ASTL: variants seen among roughly 807,000 people sequenced by gnomAD.
ASTL encodes the protein astacin-like metalloendopeptidase.
In ASTL, 27 loss-of-function variants were observed where a neutral mutation model predicts 36.7. The observed-to-expected ratio is 0.73, with a 90% CI of 0.54 to 1.01. The LOEUF (loss-of-function observed/expected upper bound fraction) is 1.01. Ranked by LOEUF, ASTL falls within the 50% of genes least tolerant of loss-of-function variation. The probability of loss-of-function intolerance (pLI) is 0.00; values close to 1 mark genes in which losing one functional copy is unlikely to be tolerated. For missense variants in ASTL, 524 were observed against 572.8 expected (o/e 0.91, Z 0.87); for synonymous variants, 222 against 228.1 (o/e 0.97, Z 0.24).
intron 8 of ASTL, 127 bp downstream of exon 8, chr2:96,129,697 G>C: frequency 1.2e-6 from 1 of 856,778 alleles, no homozygotes; most frequent in Non-Finnish European, 1.7e-6. Context: ...GCGTCGTTGT[G>C]GCAAGCCCCC....
chr2:96,125,826 T>C (rs1033186859), intron 8 of ASTL, among the ~76,000 whole-genome samples: 1 of 152,020 alleles, frequency 6.6e-6, no homozygotes, highest in Admixed American at 6.6e-5. Context: ...CCTCTAATCC[T>C]AGCTACTCGG....
At chr2:96,135,059 C>T (rs1294753096) in intron 3 of ASTL, among the ~76,000 whole-genome samples, 1 of 152,232 alleles carries the variant, frequency 6.6e-6, no homozygotes, top group East Asian at 1.9e-4. Context: ...GAGTGCTGAG[C>T]ACCTCCCCTG....
chr2:96,138,128 C>A (rs1352333881), intron 1 of ASTL, among the ~76,000 whole-genome samples: 2 of 152,156 alleles, frequency 1.3e-5, no homozygotes, highest in African/African-American at 2.4e-5. Context: ...TTACAGCCTA[C>A]CCCCACCCCA....
At chr2:96,134,120 G>A (rs1201309795) in intron 3 of ASTL, 62 bp from the exon 4 acceptor site, 2 of 1,144,014 alleles carry the variant, frequency 1.7e-6, no homozygotes, top group South Asian at 1.3e-5. Flanking sequence ...TGTGCCCCAA[G>A]GGTACCACAC....
chr2:96,136,905 C>T (rs866926536), intron 2 of ASTL, among the ~76,000 whole-genome samples: 2 of 152,238 alleles, frequency 1.3e-5, no homozygotes, highest in Middle Eastern at 3.4e-3. Flanking sequence ...AGTGCAGTGG[C>T]GCAATCTCAG....
Position 96,123,786 on chromosome 2 carries a change from G to T in ASTL, c.*64C>A. 1.4e-6 allele frequency: 2 copies of T among 1,422,580 alleles called. No individual in the cohort carries two copies. The highest frequency in any genetic ancestry group is 1.9e-6 in the Non-Finnish European group (2 of 1,028,644). 88.1% of individuals were successfully genotyped at this position (1,422,580 alleles called of 1,614,324 possible). ...GTGGTGTGGCCCAAAGGAGCCAAGA[G>T]GTAGACGACCCAGCTCCACTGGGCA... On this transcript the variant is annotated 3_prime_UTR_variant, in exon 9 of 9. Coordinates refer to ENST00000342380, the MANE Select transcript of ASTL (RefSeq NM_001002036.4).
chr2:96,126,628 C>A (rs530058557), intron 8 of ASTL, among the ~76,000 whole-genome samples: 1 of 152,096 alleles, frequency 6.6e-6, no homozygotes, highest in Non-Finnish European at 1.5e-5. Flanking sequence ...GAGGCCGAGA[C>A]GGGTAGATCA....
At position 96,123,778 on chromosome 2, in the gene ASTL, A is replaced by G. The variant is rs1015483524; in HGVS notation, c.*72T>C. 1.5e-6 allele frequency: 2 copies of G among 1,300,450 alleles called. No individual in the cohort carries two copies. Among genetic ancestry groups the G allele is most frequent in the Non-Finnish European group, 2.2e-6 (2 of 921,084 alleles). 80.6% of individuals were successfully genotyped at this position (1,300,450 alleles called of 1,614,324 possible). A position where few individuals can be genotyped will look rare whatever the true frequency, so the allele number is the denominator to read the frequency against. On this transcript the variant is annotated 3_prime_UTR_variant, in exon 9 of 9. Coordinates refer to ENST00000342380, the MANE Select transcript of ASTL (RefSeq NM_001002036.4). ...GGAAGACAGTGGTGTGGCCCAAAGG[A>G]GCCAAGAGGTAGACGACCCAGCTCC...
chr2:96,135,387 C>G lies in ASTL; in HGVS notation c.207G>C (p.Glu69Asp). ...TGTCCCCCTCGATGAGGAAGCTGCTCTCTGGGGTTTCTTCCAGGATGAGCC... is the reference window on the plus strand; with the variant it reads ...TGTCCCCCTCGATGAGGAAGCTGCTGTCTGGGGTTTCTTCCAGGATGAGCC... The part of the protein sequence containing the change: ...NQGLILEETP[E>D]SSFLIEGDII... Residue 69 changes from glutamate to aspartate, a missense_variant, in exon 3 of 9, where the codon GAG becomes GAC. By Grantham distance (45) the Glu-to-Asp change is conservative (BLOSUM62 2). Coordinates refer to ENST00000342380, the MANE Select transcript of ASTL (RefSeq NM_001002036.4). The G allele has an allele frequency of 1.9e-6, 3 of 1,614,178 alleles. No homozygotes were observed. The highest frequency in any genetic ancestry group is 1.7e-6 in the Non-Finnish European group (2 of 1,180,026).
rs997250772 is a variant in ASTL at position 96,135,364 on chromosome 2, T to TC, written c.229dup (p.Asp77GlyfsTer23). ...GTGTGCACTCACCGGCCGGATGATG[T>TC]CCCCCTCGATGAGGAAGCTGCTCTC... On this transcript the variant is annotated frameshift_variant, in exon 3 of 9. Transcript: ENST00000342380. LOFTEE classifies it high-confidence loss of function. 16 of 1,613,774 alleles carry TC rather than the reference T, an allele frequency of 9.9e-6. No individual in the cohort carries two copies. The highest frequency in any genetic ancestry group is 1.4e-5 in the Non-Finnish European group (16 of 1,179,856).
At chr2:96,130,176 A>T in intron 6 of ASTL, 31 bp from the exon 7 acceptor site, 1 of 1,564,294 alleles carries the variant, frequency 6.4e-7, no homozygotes, top group East Asian at 2.2e-5. Flanking sequence ...CAACTTACTG[A>T]TATATAAAGA....
intron 2 of ASTL, among the ~76,000 whole-genome samples, chr2:96,137,058 T>C (rs1483471715): frequency 6.6e-6 from 1 of 152,116 alleles, no homozygotes; most frequent in Admixed American, 6.5e-5. Flanking sequence ...TTAGCCAGGA[T>C]GGTCTCGATC....
intron 8 of ASTL, among the ~76,000 whole-genome samples, chr2:96,127,077 T>C (rs1048391236): frequency 6.6e-6 from 1 of 152,266 alleles, no homozygotes; most frequent in Non-Finnish European, 1.5e-5. Flanking sequence ...TATTCAGCGA[T>C]GTTATTGATA....
Position 96,124,195 on chromosome 2 carries a change from CG to C in ASTL, c.950del (p.Ser317TrpfsTer35). On this transcript the variant is annotated frameshift_variant, in exon 9 of 9. Coordinates refer to ENST00000342380, the MANE Select transcript of ASTL (RefSeq NM_001002036.4). LOFTEE classifies it low-confidence loss of function (END_TRUNC). This position sits in a 1 kb window ranked among gnomAD's most constrained non-coding sequence, Gnocchi z 4.1. ...LSLQRLLEAL[S>X]AESRSPDPSG... The stretch of plus-strand genomic sequence containing the variant: ...TGGGGTCGGGGCTCCTGGATTCCGC[CG>C]ACAGTGCCTCCAAAAGCCGCTGCAG... 6.6e-7 allele frequency: 1 copy of C among 1,526,434 alleles called. No homozygotes were observed. Among genetic ancestry groups the C allele is most frequent in the Non-Finnish European group, 8.8e-7 (1 of 1,139,064 alleles). The allele number at this position is 1,526,434 out of a possible 1,614,324, so 94.6% of individuals were successfully genotyped here.
intron 6 of ASTL, among the ~76,000 whole-genome samples, 172 bp from the exon 7 acceptor site, chr2:96,130,317 G>A (rs533328564): frequency 2.0e-4 from 31 of 152,128 alleles, no homozygotes; most frequent in Non-Finnish European, 4.3e-4. Flanking sequence ...AGCCCTGGGA[G>A]GATCCCCAAC....
chr2:96,132,514 C>A lies in ASTL; in HGVS notation c.637+26G>T. ...CGTGCTGTCCCCTCCCCGGCACCAG[C>A]CTGTCCTGCGTGTGGCCTGGCTCAC... is the stretch of plus-strand genomic sequence containing the variant. On this transcript the variant is annotated intron_variant, in intron 6 of 8. Coordinates refer to ENST00000342380, the MANE Select transcript of ASTL (RefSeq NM_001002036.4). This position sits in a 1 kb window ranked among gnomAD's most constrained non-coding sequence, Gnocchi z 5.4. 4 of 1,569,184 alleles carry A rather than the reference C, an allele frequency of 2.5e-6. No homozygotes were observed. The highest frequency in any genetic ancestry group is 2.6e-6 in the Non-Finnish European group (3 of 1,149,332).
chr2:96,127,431 T>C (rs1337586373), intron 8 of ASTL, among the ~76,000 whole-genome samples: 3 of 152,260 alleles, frequency 2.0e-5, no homozygotes, highest in Non-Finnish European at 2.9e-5. Context: ...TTTGGTATTA[T>C]TGGGCTTTAA....
chr2:96,133,623 A>AT, intron 4 of ASTL, 81 bp from the exon 5 acceptor site: 1 of 1,027,614 alleles, frequency 9.7e-7, no homozygotes, highest in South Asian at 1.3e-5. Context: ...CAGAGCTCTG[A>AT]ACTCACTCTC....
intron 8 of ASTL, among the ~76,000 whole-genome samples, chr2:96,126,054 A>C (rs557116289): frequency 1.3e-5 from 2 of 152,290 alleles, no homozygotes; most frequent in East Asian, 3.9e-4. Flanking sequence ...TAGGTCATAT[A>C]CCTAAATGTA....
Sources: allele counts gnomAD v4.1 joint callset (sites outside exome capture counted in the v4.1 genomes callset), GRCh38; gene constraint gnomAD v4.1.1; non-coding constraint Gnocchi (gnomAD v3.1); transcripts MANE v1.5; gene names NCBI Gene and HGNC (gene_info 2026-07-23, HGNC 2026-07-21).